PBX1: variants seen among roughly 807,000 people sequenced by gnomAD.
The protein encoded by PBX1 is pre-B-cell leukemia transcription factor 1.
Under a neutral mutation model 53.4 loss-of-function variants are expected in PBX1, and 6 were observed. That is an observed-to-expected ratio of 0.11 (90% CI 0.06 to 0.22). PBX1 has a LOEUF of 0.22. Among genes scored for constraint, PBX1 ranks in the 10% least tolerant of loss-of-function variants. The pLI is 1.00. For synonymous variants in PBX1, 204 were observed against 212.3 expected, an observed-to-expected ratio of 0.96 and a Z score of 0.34; for missense variants, 251 against 551.4, an observed-to-expected ratio of 0.46 and a Z score of 5.46.
rs1182154690 is a variant in PBX1, at chr1:164,776,967, GAGAGAGAGAGA to G, written c.266-15526_266-15516del. ...GGAGAGAGAGAGAGAGAGAGAGAGAGAGAGAGAGAGAGGAGGTGTGGGGGGGCGGGGGGCTG... is the reference window on the plus strand; with the variant it reads ...GGAGAGAGAGAGAGAGAGAGAGAGAGGGAGGTGTGGGGGGGCGGGGGGCTG... On this transcript the variant is annotated intron_variant, in intron 2 of 8. Transcript: ENST00000420696. Among the ~76,000 whole-genome samples the G allele has an allele frequency of 1.5e-4, 17 of 113,570 alleles. 2 individuals are homozygous for G. The highest frequency in any genetic ancestry group is 5.6e-4 in the African/African-American group (15 of 26,900). The allele number at this position is 113,570 out of a possible 152,430, so 74.5% of individuals were successfully genotyped here.
At chr1:164,562,555 G>T (rs1653140136) in intron 1 of PBX1, among the ~76,000 whole-genome samples, 1 of 151,544 alleles carries the variant, frequency 6.6e-6, no homozygotes, top group Non-Finnish European at 1.5e-5. Context: ...TGGGTGCAAG[G>T]TCCTAATTGT....
rs182153161 is a variant in PBX1, at chr1:164,737,949, G to A, written c.266-54545G>A. 1.5e-3 allele frequency among the ~76,000 whole-genome samples: 235 copies of A among 152,064 alleles called. 1 individual carries two copies. Among genetic ancestry groups the A allele is most frequent in the Non-Finnish European group, 2.5e-3 (168 of 68,010 alleles). ...ATCTGCTTTCTGTTGCTATTTATAA[G>A]CTCTTCTAGAATTTCATTCTTTAAA... On this transcript the variant is annotated intron_variant, in intron 2 of 8. Transcript: ENST00000420696.
At chr1:164,597,982 C>T (rs936553881) in intron 2 of PBX1, among the ~76,000 whole-genome samples, 2 of 152,058 alleles carry the variant, frequency 1.3e-5, no homozygotes, top group African/African-American at 4.8e-5. Flanking sequence ...GTGTATTTGG[C>T]TTGTGGTTCT....
intron 2 of PBX1, among the ~76,000 whole-genome samples, chr1:164,859,999 T>C (rs1221641505): frequency 6.6e-6 from 1 of 152,168 alleles, no homozygotes; most frequent in Non-Finnish European, 1.5e-5. Flanking sequence ...GTTCTTACAA[T>C]TGGATGACTT....
At position 164,751,583 on chromosome 1, in the gene PBX1, T is replaced by C. The variant is rs549296939; in HGVS notation, c.266-40911T>C. 7.4e-3 allele frequency among the ~76,000 whole-genome samples: 1,003 copies of C among 135,700 alleles called. 13 individuals carry two copies. The highest frequency in any genetic ancestry group is 0.022 in the African/African-American group (854 of 39,078). The allele number at this position is 135,700 out of a possible 152,430, so 89.0% of individuals were successfully genotyped here. A position where few individuals can be genotyped will look rare whatever the true frequency, so the allele number is the denominator to read the frequency against. On this transcript the variant is annotated intron_variant, in intron 2 of 8. Transcript: ENST00000420696. ...AATGTAATGGGTTTATTGCCCCCCTTTTTTTTTTTTTTTTTTGAGACAAGA... is the reference window on the plus strand; with the variant it reads ...AATGTAATGGGTTTATTGCCCCCCTCTTTTTTTTTTTTTTTTGAGACAAGA...
At chr1:164,623,517 T>C (rs1327049044) in intron 2 of PBX1, among the ~76,000 whole-genome samples, 1 of 152,244 alleles carries the variant, frequency 6.6e-6, no homozygotes, top group Non-Finnish European at 1.5e-5. Flanking sequence ...AGTGGGTGCA[T>C]TAGGTTTCAC....
chr1:164,653,710 C>T (rs1027321490), intron 2 of PBX1, among the ~76,000 whole-genome samples: 3 of 152,110 alleles, frequency 2.0e-5, no homozygotes, highest in African/African-American at 4.8e-5. Context: ...GCGGAGGTTG[C>T]GGTGAGCCAA....
At chr1:164,592,888 T>G (rs915319119) in intron 2 of PBX1, among the ~76,000 whole-genome samples, 2 of 152,280 alleles carry the variant, frequency 1.3e-5, no homozygotes, top group Non-Finnish European at 2.9e-5. Flanking sequence ...CTCTCTCTCC[T>G]TCCCCACAAT....
intron 2 of PBX1, among the ~76,000 whole-genome samples, chr1:164,867,067 T>C (rs1208013131): frequency 2.0e-5 from 3 of 152,062 alleles, no homozygotes; most frequent in South Asian, 4.2e-4. Flanking sequence ...GATTAGAAAA[T>C]TTATTAGACA....
intron 8 of PBX1, among the ~76,000 whole-genome samples, chr1:164,828,017 A>G (rs1360651129): frequency 2.0e-5 from 3 of 152,142 alleles, no homozygotes; most frequent in Admixed American, 6.5e-5. Context: ...GACCAACTCT[A>G]TAGCCTAGGA....
intron 8 of PBX1, among the ~76,000 whole-genome samples, chr1:164,833,559 T>C (rs1670873896): frequency 6.6e-6 from 1 of 152,232 alleles, no homozygotes; most frequent in South Asian, 2.1e-4. Context: ...ACTGTGCCTA[T>C]GTACTACTTA....
downstream of PBX1, among the ~76,000 whole-genome samples, chr1:164,853,408 A>T (rs1558048014): frequency 6.6e-6 from 1 of 152,176 alleles, no homozygotes; most frequent in Non-Finnish European, 1.5e-5. Flanking sequence ...AAGCCCATCT[A>T]TAGCTGTTTC....
intron 2 of PBX1, among the ~76,000 whole-genome samples, chr1:164,778,224 G>C (rs1483583743): frequency 6.6e-6 from 1 of 152,080 alleles, no homozygotes; most frequent in Non-Finnish European, 1.5e-5. Context: ...GGTAACTTTT[G>C]TTTCACTTCC....
intron 2 of PBX1, among the ~76,000 whole-genome samples, chr1:164,861,850 A>G (rs908047935): frequency 6.6e-6 from 1 of 152,220 alleles, no homozygotes; most frequent in Non-Finnish European, 1.5e-5. Context: ...GGGCAGGAAC[A>G]TATGTGGTAG....
At chr1:164,722,895 T>A (rs189607551) in intron 2 of PBX1, among the ~76,000 whole-genome samples, 78 of 152,326 alleles carry the variant, frequency 5.1e-4, no homozygotes, top group Middle Eastern at 3.4e-3. Context: ...CTTGTTGAGT[T>A]ATACATGTAT....
chr1:164,640,153 G>A (rs775903958), intron 2 of PBX1, among the ~76,000 whole-genome samples: 5 of 152,150 alleles, frequency 3.3e-5, no homozygotes, highest in African/African-American at 9.7e-5. Flanking sequence ...ATCGCAGCCT[G>A]GCTCCTGGAG....
chr1:164,562,328 G>A (rs1454933018), intron 1 of PBX1, among the ~76,000 whole-genome samples: 1 of 152,108 alleles, frequency 6.6e-6, no homozygotes, highest in Non-Finnish European at 1.5e-5. Flanking sequence ...TTAGTAGACA[G>A]AATTCACTTA....
In PBX1 at chr1:164,823,345, GCAGGTTTATACACA is replaced by G. The variant is rs1417941725; in HGVS notation, c.1200+1722_1200+1735del. ...GAAGTTGTTTGGATTTTGTCTGAGT[GCAGGTTTATACACA>G]CATGCATTTATGTATTTCCTGAATC... On this transcript the variant is annotated intron_variant, in intron 8 of 8. Coordinates refer to ENST00000420696, the MANE Select transcript of PBX1 (RefSeq NM_002585.4). 7.2e-5 allele frequency among the ~76,000 whole-genome samples: 11 copies of G among 152,138 alleles called. No individual in the cohort carries two copies. The South Asian group carries it at 1.0e-3, about 14-fold the overall frequency.
At chr1:164,663,485 C>T (rs554796341) in intron 2 of PBX1, among the ~76,000 whole-genome samples, 5 of 152,212 alleles carry the variant, frequency 3.3e-5, no homozygotes, top group East Asian at 1.9e-4. Flanking sequence ...TTCAACATTA[C>T]GTGCTTTGGG....
Sources: allele counts gnomAD v4.1 joint callset (sites outside exome capture counted in the v4.1 genomes callset), GRCh38; gene constraint gnomAD v4.1.1; transcripts MANE v1.5; gene names NCBI Gene and HGNC (gene_info 2026-07-23, HGNC 2026-07-21).